The following SUGCT variants were observed in gnomAD, a reference collection of about 807,000 sequenced individuals.
SUGCT encodes succinyl-CoA:glutarate-CoA transferase.
Under a neutral mutation model 55.0 loss-of-function variants are expected in SUGCT, and 41 were observed. That is an observed-to-expected ratio of 0.74 (90% CI 0.58 to 0.97). The LOEUF is 0.97. Among genes scored for constraint, SUGCT ranks in the 50% least tolerant of loss-of-function variants. The pLI is 0.00. For synonymous variants in SUGCT, 187 were observed against 200.4 expected (o/e 0.93, Z 0.56); for missense variants, 568 against 547.8 (o/e 1.04, Z -0.37).
At chr7:40,577,700 C>G (rs1386738595) in intron 12 of SUGCT, among the ~76,000 whole-genome samples, 1 of 152,116 alleles carries the variant, frequency 6.6e-6, no homozygotes, top group African/African-American at 2.4e-5. Context: ...TTTGGGCTCC[C>G]TCCTTTCTGG....
At chr7:40,507,438 G>C (rs971004553) in intron 12 of SUGCT, among the ~76,000 whole-genome samples, 2 of 152,156 alleles carry the variant, frequency 1.3e-5, no homozygotes, top group Admixed American at 6.5e-5. Flanking sequence ...ATCCTTTACC[G>C]TTGGATGTGT....
At chr7:40,960,555 C>T in the SUGCT span, among the ~76,000 whole-genome samples, 1 of 152,040 alleles carries the variant, frequency 6.6e-6, no homozygotes, top group Admixed American at 6.6e-5. Context: ...TTCAAATGCC[C>T]CATAGATCTA....
intron 12 of SUGCT, among the ~76,000 whole-genome samples, chr7:40,630,032 C>T (rs1309191518): frequency 6.6e-6 from 1 of 152,164 alleles, no homozygotes; most frequent in Admixed American, 6.5e-5. Flanking sequence ...CCATTGACTC[C>T]TGACTTCTTG....
intron 6 of SUGCT, among the ~76,000 whole-genome samples, chr7:40,224,403 T>C (rs73687566): frequency 7.6e-3 from 400 of 52,666 alleles, no homozygotes; most frequent in Middle Eastern, 0.048. Context: ...TCTGTGCGTG[T>C]GTGTGTGTGT....
At chr7:40,880,884 G>T in the SUGCT span, among the ~76,000 whole-genome samples, 1 of 152,170 alleles carries the variant, frequency 6.6e-6, no homozygotes, top group Non-Finnish European at 1.5e-5. Flanking sequence ...GATGGAACCA[G>T]GGAGGATCCT....
intron 12 of SUGCT, among the ~76,000 whole-genome samples, chr7:40,683,246 G>C (rs1345198669): frequency 6.6e-6 from 1 of 152,134 alleles, no homozygotes. Flanking sequence ...TTCCTGATTT[G>C]CTGGCTGTCA....
chr7:40,780,701 C>T (rs1789693579), intron 13 of SUGCT, among the ~76,000 whole-genome samples: 1 of 150,422 alleles, frequency 6.6e-6, no homozygotes, highest in South Asian at 2.1e-4. Context: ...TAGGACTTGG[C>T]AGGAAGAAAA....
intron 13 of SUGCT, among the ~76,000 whole-genome samples, chr7:40,782,366 G>A (rs1789797138): frequency 6.6e-6 from 1 of 151,938 alleles, no homozygotes; most frequent in Admixed American, 6.6e-5. Context: ...AATATAAGTA[G>A]TTTTCCTTTG....
intron 12 of SUGCT, among the ~76,000 whole-genome samples, chr7:40,576,909 G>A (rs990508390): frequency 1.3e-5 from 2 of 152,144 alleles, no homozygotes; most frequent in African/African-American, 4.8e-5. Flanking sequence ...AAGGTGATTG[G>A]TGAGATCCCT....
chr7:40,231,735 A>G (rs1031125270), intron 6 of SUGCT, among the ~76,000 whole-genome samples: 2 of 152,230 alleles, frequency 1.3e-5, no homozygotes, highest in Non-Finnish European at 1.5e-5. Context: ...GTGGAGGTTT[A>G]TTTTAAGTGA....
intron 12 of SUGCT, among the ~76,000 whole-genome samples, chr7:40,663,511 G>T (rs996323561): frequency 1.3e-5 from 2 of 151,402 alleles, no homozygotes; most frequent in Non-Finnish European, 2.9e-5. Context: ...GTGTGTGTGT[G>T]TGTGTGTGTG....
rs148240018 is a variant in SUGCT, at chr7:40,737,684, A to T, written c.1090-11750A>T. On this transcript the variant is annotated intron_variant, in intron 12 of 13. Coordinates refer to ENST00000335693, the MANE Select transcript of SUGCT (RefSeq NM_001193313.2). ...ATCCTGGCATATAATTGATACGGGGATAACTGGTATTGATTACATTTTTAT... is the reference window on the plus strand; with the variant it reads ...ATCCTGGCATATAATTGATACGGGGTTAACTGGTATTGATTACATTTTTAT... Among the ~76,000 whole-genome samples, 17 of 152,312 alleles carry T rather than the reference A, an allele frequency of 1.1e-4. No individual in the cohort carries two copies. The East Asian group carries it at 3.3e-3, about 29-fold the overall frequency.
chr7:40,634,231 C>T (rs1047746781), intron 12 of SUGCT, among the ~76,000 whole-genome samples: 2 of 152,194 alleles, frequency 1.3e-5, no homozygotes, highest in African/African-American at 2.4e-5. Context: ...AAACACATGG[C>T]GAGCTGGCGC....
intron 12 of SUGCT, among the ~76,000 whole-genome samples, chr7:40,687,433 CAG>C (rs68078005): frequency 0.052 from 7,915 of 152,200 alleles, 640 homozygotes; most frequent in African/African-American, 0.18. Flanking sequence ...AGCTCCCTCC[CAG>C]AGAGTGGCAG....
At chr7:40,447,408 G>A (rs1788899671) in intron 9 of SUGCT, among the ~76,000 whole-genome samples, 1 of 152,106 alleles carries the variant, frequency 6.6e-6, no homozygotes, top group African/African-American at 2.4e-5. Flanking sequence ...AGAGCCTGAA[G>A]ATAAGAGACT....
intron 6 of SUGCT, among the ~76,000 whole-genome samples, chr7:40,235,993 T>A (rs1216862438): frequency 6.6e-6 from 1 of 152,160 alleles, no homozygotes; most frequent in Non-Finnish European, 1.5e-5. Context: ...TGGGTCACTC[T>A]GCTTGATATG....
intron 12 of SUGCT, among the ~76,000 whole-genome samples, chr7:40,724,006 T>C (rs892384921): frequency 2.6e-5 from 4 of 152,068 alleles, no homozygotes; most frequent in African/African-American, 9.7e-5. Context: ...AACAGAGCAA[T>C]ACAATTAAGA....
chr7:40,683,420 C>CT (rs1424184800), intron 12 of SUGCT, among the ~76,000 whole-genome samples: 1 of 152,152 alleles, frequency 6.6e-6, no homozygotes, highest in Non-Finnish European at 1.5e-5. Context: ...TGAGCTTGTG[C>CT]TTTTTTATCT....
intron 9 of SUGCT, among the ~76,000 whole-genome samples, chr7:40,388,983 A>T (rs543006726): frequency 7.2e-4 from 110 of 152,340 alleles, no homozygotes; most frequent in African/African-American, 2.5e-3. Context: ...CTGCTCTTCT[A>T]GCTTTTCATT....
Sources: allele counts gnomAD v4.1 joint callset (sites outside exome capture counted in the v4.1 genomes callset), GRCh38; gene constraint gnomAD v4.1.1; transcripts MANE v1.5; gene names NCBI Gene and HGNC (gene_info 2026-07-23, HGNC 2026-07-21).